STX12: variants seen among roughly 807,000 people sequenced by gnomAD.
STX12 encodes syntaxin-12.
STX12 carries 17 observed loss-of-function variants against 42.2 expected under a neutral mutation model. That is an observed-to-expected ratio of 0.40 (90% CI 0.28 to 0.60). The LOEUF (loss-of-function observed/expected upper bound fraction) is 0.60, where lower values mean the gene tolerates loss of function less well. Ranked by LOEUF, STX12 falls within the 20% of genes least tolerant of loss-of-function variation. STX12 has a pLI of 0.39. For missense variants in STX12, 297 were observed against 330.9 expected (o/e 0.90, Z 0.79); for synonymous variants, 108 against 116.7 (o/e 0.93, Z 0.48).
At chr1:27,778,610 G>T (rs560496129) in intron 1 of STX12, among the ~76,000 whole-genome samples, 1 of 151,570 alleles carries the variant, frequency 6.6e-6, no homozygotes, top group South Asian at 2.1e-4. Flanking sequence ...AGAATCGCCT[G>T]AACTGGGGAG....
At chr1:27,778,573 C>T (rs969624091) in intron 1 of STX12, among the ~76,000 whole-genome samples, 7 of 152,054 alleles carry the variant, frequency 4.6e-5, no homozygotes, top group Non-Finnish European at 5.9e-5. Flanking sequence ...CGACTGTAGT[C>T]CTAGCTGCTC....
intron 6 of STX12, among the ~76,000 whole-genome samples, chr1:27,815,800 C>T (rs1461433442): frequency 2.6e-5 from 4 of 152,316 alleles, no homozygotes; most frequent in East Asian, 1.9e-4. Context: ...CTCAAATTTC[C>T]ATAGGGTCAT....
chr1:27,807,221 T>C (rs1390411694), intron 4 of STX12, among the ~76,000 whole-genome samples: 1 of 152,200 alleles, frequency 6.6e-6, no homozygotes, highest in African/African-American at 2.4e-5. Context: ...AATTATACTC[T>C]TTTAGTTATT....
chr1:27,812,029 G>A (rs1308586268), intron 5 of STX12, 134 bp from the exon 6 acceptor site: 1 of 755,680 alleles, frequency 1.3e-6, no homozygotes, highest in Non-Finnish European at 2.4e-6. Context: ...GGCCCTCCAA[G>A]ACTTTATTGA....
At chr1:27,798,736 G>A (rs561938538) in intron 3 of STX12, among the ~76,000 whole-genome samples, 133 of 131,386 alleles carry the variant, frequency 1.0e-3, no homozygotes, top group Non-Finnish European at 1.7e-3. Context: ...AAAAAAACTC[G>A]TGCCACTGCA....
rs200472226 is a variant in STX12 at position 27,799,477 on chromosome 1, G to GTTT, written c.289-2192_289-2190dup. On this transcript the variant is annotated intron_variant, in intron 3 of 8. Transcript: ENST00000373943. ...GGTTGAACCCCAAACTCATTAGCTTGTTTTTTTTTTTGTTTTTTTTTTTGA... is the reference window on the plus strand; with the variant it reads ...GGTTGAACCCCAAACTCATTAGCTTGTTTTTTTTTTTTTTGTTTTTTTTTTTGA... Among the ~76,000 whole-genome samples, 179 of 130,656 alleles carry GTTT rather than the reference G, an allele frequency of 1.4e-3. 19 individuals are homozygous for GTTT. Among genetic ancestry groups the GTTT allele is most frequent in the African/African-American group, 5.4e-3 (169 of 31,192 alleles). 85.7% of individuals were successfully genotyped at this position (130,656 alleles called of 152,430 possible).
chr1:27,789,527 C>G (rs1263264978), intron 1 of STX12, 35 bp from the exon 2 acceptor site: 2 of 1,561,236 alleles, frequency 1.3e-6, no homozygotes, highest in South Asian at 2.3e-5. Flanking sequence ...ATGTATTTTT[C>G]TTTTAAATAA....
chr1:27,789,368 T>C (rs903438970), intron 1 of STX12, among the ~76,000 whole-genome samples, 194 bp from the exon 2 acceptor site: 29 of 152,310 alleles, frequency 1.9e-4, no homozygotes, highest in Admixed American at 1.8e-3. Flanking sequence ...AGTTACTCTA[T>C]AGGAGAAAGG....
At chr1:27,813,989 T>C (rs6688612) in intron 6 of STX12, among the ~76,000 whole-genome samples, 26,582 of 151,928 alleles carry the variant, frequency 0.17, 6,088 homozygotes, top group African/African-American at 0.53. Context: ...CAACCTCCAC[T>C]TCCTGGGTTC....
chr1:27,777,874 G>A (rs1210803980), intron 1 of STX12, among the ~76,000 whole-genome samples: 1 of 151,888 alleles, frequency 6.6e-6, no homozygotes, highest in Non-Finnish European at 1.5e-5. Flanking sequence ...ATGACAGAGC[G>A]AGACTCAGTC....
chr1:27,776,201 ATT>A (rs1388833164), intron 1 of STX12, among the ~76,000 whole-genome samples: 3 of 152,238 alleles, frequency 2.0e-5, no homozygotes. Context: ...AATAGCTAAC[ATT>A]TGAGTACATA....
intron 6 of STX12, among the ~76,000 whole-genome samples, chr1:27,812,679 G>C (rs1030052823): frequency 6.6e-6 from 1 of 152,132 alleles, no homozygotes; most frequent in Non-Finnish European, 1.5e-5. Context: ...GACCTCAGGT[G>C]ATCCACCCTC....
intron 2 of STX12, among the ~76,000 whole-genome samples, chr1:27,792,396 C>T (rs1403535885): frequency 6.9e-6 from 1 of 144,754 alleles, no homozygotes; most frequent in Non-Finnish European, 1.5e-5. Context: ...TGTTTCCTAC[C>T]CTAGACAGTG....
At chr1:27,808,452 C>T (rs1165583416) in intron 4 of STX12, among the ~76,000 whole-genome samples, 1 of 151,872 alleles carries the variant, frequency 6.6e-6, no homozygotes, top group Non-Finnish European at 1.5e-5. Flanking sequence ...AGCAATTCTC[C>T]TGCCTTAGCC....
intron 2 of STX12, among the ~76,000 whole-genome samples, chr1:27,792,857 A>G (rs1251562575): frequency 1.1e-4 from 17 of 152,206 alleles, no homozygotes; most frequent in Admixed American, 1.1e-3. Context: ...TTGTATTTCT[A>G]CTACTTTAAG....
At chr1:27,789,660 T>C in intron 2 of STX12, 29 bp downstream of exon 2, 1 of 1,570,696 alleles carries the variant, frequency 6.4e-7, no homozygotes, top group African/African-American at 1.3e-5. Flanking sequence ...AGGTTGGGTT[T>C]TGTGAGGGCC....
intron 8 of STX12, among the ~76,000 whole-genome samples, chr1:27,820,862 G>A (rs958534735): frequency 9.2e-5 from 14 of 152,088 alleles, no homozygotes; most frequent in African/African-American, 2.9e-4. Context: ...CGATGAGTTC[G>A]TGTCCTTTGT....
rs949673243 is a variant in STX12, at chr1:27,801,578, T to C, written c.289-100T>C. The C allele has an allele frequency of 8.1e-6, 10 of 1,238,618 alleles. No homozygotes were observed. The African/African-American group carries it at 1.4e-4, about 17-fold the overall frequency. The allele number at this position is 1,238,618 out of a possible 1,614,324, so 76.7% of individuals were successfully genotyped here. ...GACTATTTCATAATAATTTTCCTAGTTGGAAATCTTTAAGGGGTATAATTT... is the reference window on the plus strand; with the variant it reads ...GACTATTTCATAATAATTTTCCTAGCTGGAAATCTTTAAGGGGTATAATTT... On this transcript the variant is annotated intron_variant, in intron 3 of 8. Transcript: ENST00000373943.
At chr1:27,807,611 A>G (rs2088872030) in intron 4 of STX12, among the ~76,000 whole-genome samples, 1 of 152,216 alleles carries the variant, frequency 6.6e-6, no homozygotes, top group Non-Finnish European at 1.5e-5. Context: ...GGCCGGTGGT[A>G]TAAGTTAGAA....
Sources: allele counts gnomAD v4.1 joint callset (sites outside exome capture counted in the v4.1 genomes callset), GRCh38; gene constraint gnomAD v4.1.1; transcripts MANE v1.5; gene names NCBI Gene and HGNC (gene_info 2026-07-23, HGNC 2026-07-21).